The following FHOD3 variants were observed in gnomAD, a reference collection of about 807,000 sequenced individuals.
The protein encoded by FHOD3 is FH1/FH2 domain-containing protein 3.
Under a neutral mutation model 173.0 loss-of-function variants are expected in FHOD3, and 90 were observed. The ratio of observed to expected loss-of-function variants is 0.52; its 90% confidence interval spans 0.44 to 0.62. The LOEUF (loss-of-function observed/expected upper bound fraction) is 0.62, where lower values mean the gene tolerates loss of function less well. FHOD3 is among the 20% of genes least tolerant of loss of function. The pLI, the probability that FHOD3 is intolerant of heterozygous loss-of-function variation, is 0.00. For synonymous variants in FHOD3, 828 were observed against 823.0 expected (o/e 1.01, Z -0.10); for missense variants, 1,945 against 2,034.7 (o/e 0.96, Z 0.85).
intron 5 of FHOD3, among the ~76,000 whole-genome samples, chr18:36,547,333 G>A (rs1013215801): frequency 2.6e-5 from 4 of 152,206 alleles, no homozygotes; most frequent in Non-Finnish European, 5.9e-5. Flanking sequence ...TCACAGGAGA[G>A]CCACCAAAGG....
At chr18:36,311,311 C>G (rs892710262) in intron 1 of FHOD3, among the ~76,000 whole-genome samples, 1 of 152,104 alleles carries the variant, frequency 6.6e-6, no homozygotes, top group African/African-American at 2.4e-5. Context: ...CGATGTGACC[C>G]TTTCTGGGAG....
intron 17 of FHOD3, among the ~76,000 whole-genome samples, chr18:36,695,348 A>C (rs912585827): frequency 1.3e-5 from 2 of 148,246 alleles, no homozygotes; most frequent in African/African-American, 5.3e-5. Context: ...ACACCGTCTC[A>C]AAAATAAAAA....
chr18:36,308,318 A>G (rs1362842372), intron 1 of FHOD3, among the ~76,000 whole-genome samples: 1 of 152,192 alleles, frequency 6.6e-6, no homozygotes, highest in African/African-American at 2.4e-5. Flanking sequence ...AGTTACCCTC[A>G]TTTTAAGCAT....
chr18:36,493,043 A>T (rs567967684), intron 3 of FHOD3, among the ~76,000 whole-genome samples: 1 of 151,908 alleles, frequency 6.6e-6, no homozygotes, highest in Non-Finnish European at 1.5e-5. Flanking sequence ...CATCTATGGT[A>T]CCTCTCTGCC....
chr18:36,512,220 C>G (rs1201852413), intron 4 of FHOD3, among the ~76,000 whole-genome samples: 1 of 152,154 alleles, frequency 6.6e-6, no homozygotes, highest in Non-Finnish European at 1.5e-5. Context: ...TATTAGATTG[C>G]CCAGAAGGCA....
intron 14 of FHOD3, among the ~76,000 whole-genome samples, chr18:36,667,696 AAAGCATGAACATTAC>A (rs952661275): frequency 6.6e-6 from 1 of 152,208 alleles, no homozygotes; most frequent in African/African-American, 2.4e-5. Flanking sequence ...TACAGAATTG[AAAGCATGAACATTAC>A]TGTTCATGCC....
At chr18:36,446,450 A>G (rs2144062687) in intron 3 of FHOD3, among the ~76,000 whole-genome samples, 1 of 149,292 alleles carries the variant, frequency 6.7e-6, no homozygotes, top group East Asian at 2.0e-4. Flanking sequence ...CTGTCTCGTC[A>G]GCATTGGAGA....
intron 1 of FHOD3, among the ~76,000 whole-genome samples, chr18:36,301,079 A>G (rs76616840): frequency 0.039 from 6,001 of 152,208 alleles, 296 homozygotes; most frequent in East Asian, 0.24. Flanking sequence ...ACATATACAA[A>G]AAAGTGTACA....
chr18:36,752,807 A>C (rs1327467258), intron 24 of FHOD3, among the ~76,000 whole-genome samples: 2 of 152,218 alleles, frequency 1.3e-5, no homozygotes, highest in African/African-American at 4.8e-5. Context: ...TTATGTATAA[A>C]ATAGGACCCA....
At chr18:36,679,237 C>T (rs1035304010) in intron 14 of FHOD3, among the ~76,000 whole-genome samples, 5 of 151,878 alleles carry the variant, frequency 3.3e-5, no homozygotes, top group Non-Finnish European at 7.4e-5. Flanking sequence ...GTTTTTTGGT[C>T]ACTATATCTA....
At chr18:36,434,442 A>G (rs1473837916) in intron 3 of FHOD3, among the ~76,000 whole-genome samples, 3 of 152,202 alleles carry the variant, frequency 2.0e-5, no homozygotes, top group Admixed American at 6.5e-5. Flanking sequence ...GGCCGATGCT[A>G]TACACTCTTG....
At chr18:36,521,753 A>T (rs1314913516) in intron 5 of FHOD3, among the ~76,000 whole-genome samples, 6 of 152,102 alleles carry the variant, frequency 3.9e-5, no homozygotes, top group Non-Finnish European at 4.4e-5. Flanking sequence ...TCCTTGGTTC[A>T]GCTTCTTTAG....
chr18:36,682,745 C>A (rs1004421937), intron 15 of FHOD3, among the ~76,000 whole-genome samples: 3 of 152,074 alleles, frequency 2.0e-5, no homozygotes, highest in Non-Finnish European at 4.4e-5. Context: ...CCACGCCTGG[C>A]TAATTTTTGT....
chr18:36,656,098 C>T (rs889506894), intron 13 of FHOD3, among the ~76,000 whole-genome samples: 3 of 152,074 alleles, frequency 2.0e-5, no homozygotes, highest in African/African-American at 7.2e-5. Flanking sequence ...GGTCTCGTCA[C>T]GGAGAGTGCT....
intron 27 of FHOD3, among the ~76,000 whole-genome samples, chr18:36,762,798 AAT>A (rs370910918): frequency 1.0e-4 from 15 of 147,724 alleles, no homozygotes; most frequent in African/African-American, 2.2e-4. Flanking sequence ...TCTGTCTCAA[AAT>A]ATATATATAT....
chr18:36,331,353 G>A (rs78062393), intron 1 of FHOD3, among the ~76,000 whole-genome samples: 2,025 of 152,198 alleles, frequency 0.013, 18 homozygotes, highest in Admixed American at 0.024. Context: ...TGCTTTATAC[G>A]AGGCCTCTTG....
rs146015627 is a variant in FHOD3 at position 36,436,144 on chromosome 18, A to G, written c.337+63400A>G. Among the ~76,000 whole-genome samples the G allele has an allele frequency of 2.8e-4, 42 of 152,292 alleles. No homozygotes were observed. The East Asian group carries it at 4.8e-3, about 17-fold the overall frequency. ...ATGCTAAAATGGAAGCTAATTATAAACTGATATTGCATGCTGAGGTATGAC... is the reference window on the plus strand; with the variant it reads ...ATGCTAAAATGGAAGCTAATTATAAGCTGATATTGCATGCTGAGGTATGAC... On this transcript the variant is annotated intron_variant, in intron 3 of 28. Coordinates refer to ENST00000590592, the MANE Select transcript of FHOD3 (RefSeq NM_001281740.3).
At chr18:36,719,020 T>C (rs2040616818) in intron 19 of FHOD3, among the ~76,000 whole-genome samples, 2 of 152,204 alleles carry the variant, frequency 1.3e-5, no homozygotes, top group African/African-American at 4.8e-5. Flanking sequence ...CATAGCCCAA[T>C]AGCAGATATT....
intron 3 of FHOD3, among the ~76,000 whole-genome samples, chr18:36,388,920 TG>T (rs767678529): frequency 6.6e-6 from 1 of 152,230 alleles, no homozygotes; most frequent in Non-Finnish European, 1.5e-5. Context: ...GAAGGTGCCC[TG>T]GGGGCTGGGC....
Sources: gnomAD v4.1 joint callset for allele counts (sites outside exome capture counted in the v4.1 genomes callset) on GRCh38, gnomAD v4.1.1 for gene constraint, MANE v1.5 for transcripts, NCBI Gene and HGNC (gene_info 2026-07-23, HGNC 2026-07-21) for gene names.